Variants in ART3 observed in about 807,000 individuals in gnomAD.
ART3 encodes ADP-ribosyltransferase 3 (inactive).
In ART3, 49 loss-of-function variants were observed where a neutral mutation model predicts 48.5. That is an observed-to-expected ratio of 1.01 (90% confidence interval 0.80 to 1.28). The LOEUF (loss-of-function observed/expected upper bound fraction) is 1.28, where lower values mean the gene tolerates loss of function less well. Among genes scored for constraint, ART3 ranks in the 50% most tolerant of loss-of-function variants. The pLI is 0.00. For missense variants in ART3, 438 were observed against 454.3 expected (o/e 0.96, Z 0.33); for synonymous variants, 145 against 157.2 (o/e 0.92, Z 0.58).
intron 1 of ART3, chr4:76,035,235 A>G (rs965335685): frequency 1.2e-6 from 2 of 1,614,012 alleles, no homozygotes; most frequent in South Asian, 1.1e-5. Flanking sequence ...ATTTTGTCAC[A>G]GTTGTTACTT....
chr4:76,049,359 T>G (rs6811252), intron 1 of ART3, among the ~76,000 whole-genome samples: 89,524 of 151,402 alleles, frequency 0.59, 27,620 homozygotes, highest in East Asian at 0.94. Flanking sequence ...GGTGAGTCTT[T>G]CTTGGGCGAC....
chr4:76,015,488 G>T (rs1247323308), intron 1 of ART3, among the ~76,000 whole-genome samples: 1 of 152,162 alleles, frequency 6.6e-6, no homozygotes, highest in Non-Finnish European at 1.5e-5. Context: ...AAAAAAGGAA[G>T]TAATGGAGAA....
At chr4:76,050,512 C>T (rs981024896) in intron 1 of ART3, among the ~76,000 whole-genome samples, 26 of 152,056 alleles carry the variant, frequency 1.7e-4, no homozygotes, top group South Asian at 2.1e-4. Flanking sequence ...TACAGAGGGC[C>T]GATTGGTGTA....
At chr4:76,051,401 A>G (rs959330047) in intron 1 of ART3, among the ~76,000 whole-genome samples, 1 of 152,176 alleles carries the variant, frequency 6.6e-6, no homozygotes, top group Non-Finnish European at 1.5e-5. Context: ...GGCTATATTC[A>G]AGGTAGCCAT....
At chr4:76,102,588 C>G (rs1251560726) in intron 8 of ART3, among the ~76,000 whole-genome samples, 2 of 151,188 alleles carry the variant, frequency 1.3e-5, no homozygotes, top group Admixed American at 6.6e-5. Context: ...TCAAAACCAT[C>G]TAAAGATAGA....
At chr4:76,051,673 G>A (rs542269820) in intron 1 of ART3, among the ~76,000 whole-genome samples, 1 of 151,948 alleles carries the variant, frequency 6.6e-6, no homozygotes, top group South Asian at 2.1e-4. Flanking sequence ...CTGAGTAGCT[G>A]GGACTATGGG....
At chr4:76,092,037 C>G (rs972868272) in intron 3 of ART3, among the ~76,000 whole-genome samples, 6 of 152,156 alleles carry the variant, frequency 3.9e-5, no homozygotes. Context: ...TAATAAACCT[C>G]AAAACCAGGT....
intron 1 of ART3, among the ~76,000 whole-genome samples, chr4:76,049,726 C>T (rs116534425): frequency 4.6e-5 from 7 of 151,830 alleles, no homozygotes; most frequent in South Asian, 2.1e-4. Flanking sequence ...ATTGTCTCAC[C>T]GCTCGGCGAT....
chr4:76,069,952 T>C (rs1720148515), upstream of ART3, among the ~76,000 whole-genome samples: 2 of 152,102 alleles, frequency 1.3e-5, no homozygotes, highest in East Asian at 1.9e-4. Flanking sequence ...ACCCAAGATA[T>C]ATGCCTAGGA....
intron 1 of ART3, chr4:76,021,288 T>G (rs1287476005): frequency 6.6e-6 from 1 of 152,212 alleles, no homozygotes; most frequent in African/African-American, 2.4e-5. Flanking sequence ...CTGTTACTCA[T>G]TGATACATAG....
chr4:76,056,249 T>G (rs1421014083), intron 1 of ART3, among the ~76,000 whole-genome samples: 3 of 152,192 alleles, frequency 2.0e-5, no homozygotes, highest in Non-Finnish European at 4.4e-5. Flanking sequence ...TCCAGAACCC[T>G]TGAAGTTTGA....
rs745431061 is a variant in ART3, at chr4:76,102,325, T to A, written c.937+1306T>A. ...CCAATTTGGGAAATTCTGTTATTTC[T>A]TTCTCCTGATTTCTTAGAAGTTCAG... On this transcript the variant is annotated intron_variant, in intron 8 of 11. Transcript: ENST00000355810. Among the ~76,000 whole-genome samples, 26 of 152,342 alleles carry A rather than the reference T, an allele frequency of 1.7e-4. No individual in the cohort carries two copies. In the South Asian group the frequency reaches 2.1e-3, roughly 12 times the overall value.
At position 76,081,883 on chromosome 4, in the gene ART3, T is replaced by C. The variant is rs1348022650; in HGVS notation, c.129T>C (p.Cys43=). ...CATTTGATGATGAATACCTGAAATG[T>C]ACGGACAGGATGGAAATTAAATACG... ...DNAFDDEYLK[C]TDRMEIKYVP... The change falls in exon 3 of 12, where the codon TGT becomes TGC. Residue 43 remains cysteine (C), a synonymous_variant. Coordinates refer to ENST00000355810, the MANE Select transcript of ART3 (RefSeq NM_001130016.3). The C allele has an allele frequency of 6.2e-7, 1 of 1,614,052 alleles. No homozygotes were observed. The highest frequency in any genetic ancestry group is 8.5e-7 in the Non-Finnish European group (1 of 1,180,026).
intron 5 of ART3, 91 bp from the exon 6 acceptor site, chr4:76,100,200 A>G: frequency 7.5e-7 from 1 of 1,326,854 alleles, no homozygotes. Flanking sequence ...TTATAGTCAT[A>G]TTTCCTGAAA....
chr4:76,030,817 CT>C (rs1442297535), intron 1 of ART3, among the ~76,000 whole-genome samples: 1 of 152,094 alleles, frequency 6.6e-6, no homozygotes, highest in African/African-American at 2.4e-5. Context: ...TACTTCATTC[CT>C]TTTTATGGCC....
chr4:76,064,379 A>C (rs1719512006), intron 1 of ART3, among the ~76,000 whole-genome samples: 1 of 152,230 alleles, frequency 6.6e-6, no homozygotes, highest in Non-Finnish European at 1.5e-5. Flanking sequence ...GGATTAGTGG[A>C]GTATGGGAAA....
In ART3 at chr4:76,022,033, T is replaced by C. The variant is rs1202696103; in HGVS notation, c.-10+10713T>C. 4.0e-6 allele frequency: 5 copies of C among 1,245,236 alleles called. No individual in the cohort carries two copies. The African/African-American group carries it at 6.0e-5, about 15-fold the overall frequency. 77.1% of individuals were successfully genotyped at this position (1,245,236 alleles called of 1,614,324 possible). A position where few individuals can be genotyped will look rare whatever the true frequency, so the allele number is the denominator to read the frequency against. On this transcript the variant is annotated intron_variant, in intron 1 of 9. Transcript: ENST00000341029. ...TTGTGTTTGGAAAGTACCGAGTTCA[T>C]AGAATAGATAACTGAGCTTTCCTGC...
At chr4:76,075,634 T>C (rs929077849) in intron 1 of ART3, among the ~76,000 whole-genome samples, 2 of 152,120 alleles carry the variant, frequency 1.3e-5, no homozygotes, top group African/African-American at 4.8e-5. Context: ...TGCACAGATT[T>C]AATCTTGAGC....
At chr4:76,034,339 A>G (rs938386533) in intron 1 of ART3, 1 of 403,998 alleles carries the variant, frequency 2.5e-6, no homozygotes, top group African/African-American at 2.1e-5. Context: ...AGATAGTAAT[A>G]TAGCATAAAG....
Sources: gnomAD v4.1 joint callset for allele counts (sites outside exome capture counted in the v4.1 genomes callset) on GRCh38, gnomAD v4.1.1 for gene constraint, MANE v1.5 for transcripts, NCBI Gene and HGNC (gene_info 2026-07-23, HGNC 2026-07-21) for gene names.